Variants in IPO11 observed in about 807,000 individuals in gnomAD.
The protein encoded by IPO11 is importin-11.
Under a neutral mutation model 143.2 loss-of-function variants are expected in IPO11, and 66 were observed. That is an observed-to-expected ratio of 0.46 (90% CI 0.38 to 0.57). The LOEUF (loss-of-function observed/expected upper bound fraction) is 0.57, where lower values mean the gene tolerates loss of function less well. Among genes scored for constraint, IPO11 ranks in the 20% least tolerant of loss-of-function variants. IPO11 has a pLI of 0.00. For synonymous variants in IPO11, 385 were observed against 377.8 expected, an observed-to-expected ratio of 1.02 and a Z score of -0.22; for missense variants, 1,026 against 1,141.0, an observed-to-expected ratio of 0.90 and a Z score of 1.45.
rs534597835 is a variant in IPO11 at position 62,502,263 on chromosome 5, T to C, written c.1591-2404T>C. On this transcript the variant is annotated intron_variant, in intron 16 of 29. Coordinates refer to ENST00000325324, the MANE Select transcript of IPO11 (RefSeq NM_016338.5). The stretch of plus-strand genomic sequence containing the variant: ...TTCTGAGGTTTCAGCTGGGGTAGGG[T>C]AGACAGACTCACAGTAGAAATGTGT... Among the ~76,000 whole-genome samples the C allele has an allele frequency of 2.0e-4, 31 of 152,316 alleles. 1 individual carries two copies. The highest frequency in any genetic ancestry group is 3.4e-3 in the Middle Eastern group (1 of 294).
chr5:62,420,818 G>C (rs1743489713), intron 1 of IPO11, among the ~76,000 whole-genome samples: 1 of 152,106 alleles, frequency 6.6e-6, no homozygotes, highest in Non-Finnish European at 1.5e-5. Flanking sequence ...TGCACTCTAA[G>C]TGATCCACCC....
Position 62,609,983 on chromosome 5 carries a change from T to C in IPO11, c.2763+8135T>C, listed in dbSNP as rs116187753. Among the ~76,000 whole-genome samples, 1,082 of 152,322 alleles carry C rather than the reference T, an allele frequency of 7.1e-3. 14 individuals are homozygous for C. Among genetic ancestry groups the C allele is most frequent in the African/African-American group, 0.024 (1,017 of 41,574 alleles). ...ATGTGGCTGTTGGCGATACTGTAAT[T>C]GTAGCAGTCCCATTTAGGGAAGCAC... On this transcript the variant is annotated intron_variant, in intron 29 of 29. Transcript: ENST00000325324.
At chr5:62,505,073 CTT>C (rs1741508595) in intron 18 of IPO11, among the ~76,000 whole-genome samples, 175 bp downstream of exon 18, 1 of 151,870 alleles carries the variant, frequency 6.6e-6, no homozygotes, top group South Asian at 2.1e-4. Flanking sequence ...GTTTTGGTAA[CTT>C]TTATTGCTAA....
At chr5:62,517,756 A>G (rs2112290396) in intron 20 of IPO11, among the ~76,000 whole-genome samples, 1 of 152,240 alleles carries the variant, frequency 6.6e-6, no homozygotes. Flanking sequence ...ACATGTAACT[A>G]AACACCAACT....
chr5:62,608,507 C>A (rs1210706532), intron 29 of IPO11, among the ~76,000 whole-genome samples: 2 of 152,134 alleles, frequency 1.3e-5, no homozygotes, highest in Non-Finnish European at 2.9e-5. Flanking sequence ...AAACTTTGTC[C>A]TGTATTCTCA....
chr5:62,548,791 C>T (rs1193966978), intron 24 of IPO11, among the ~76,000 whole-genome samples: 2 of 152,152 alleles, frequency 1.3e-5, no homozygotes, highest in African/African-American at 4.8e-5. Flanking sequence ...CCTTGGGATT[C>T]AGCTTTCTCT....
At chr5:62,503,965 C>T (rs1333769847) in intron 16 of IPO11, among the ~76,000 whole-genome samples, 1 of 152,170 alleles carries the variant, frequency 6.6e-6, no homozygotes, top group Admixed American at 6.5e-5. Context: ...AGAATTTAGT[C>T]ATGTCTTGAG....
At chr5:62,616,545 C>A (rs1209613085) in intron 29 of IPO11, among the ~76,000 whole-genome samples, 7 of 151,682 alleles carry the variant, frequency 4.6e-5, no homozygotes, top group Non-Finnish European at 1.5e-5. Flanking sequence ...CATGGTGTGA[C>A]CCCATCTATA....
chr5:62,462,635 A>G (rs1351854412), intron 5 of IPO11, among the ~76,000 whole-genome samples: 3 of 152,176 alleles, frequency 2.0e-5, no homozygotes, highest in Admixed American at 6.5e-5. Flanking sequence ...GGCTCAAGCA[A>G]TCCTCCTGTC....
chr5:62,586,809 T>C (rs1360025873), intron 27 of IPO11, among the ~76,000 whole-genome samples: 1 of 124,284 alleles, frequency 8.0e-6, no homozygotes, highest in Non-Finnish European at 1.7e-5. Flanking sequence ...ATATTCATGA[T>C]TACCTTGTAA....
intron 29 of IPO11, among the ~76,000 whole-genome samples, chr5:62,614,083 A>G (rs1172242521): frequency 2.6e-5 from 4 of 152,234 alleles, no homozygotes; most frequent in African/African-American, 4.8e-5. Flanking sequence ...TGTGAACATC[A>G]TATTAATCAT....
chr5:62,415,028 C>T (rs538411668), intron 1 of IPO11, among the ~76,000 whole-genome samples: 4 of 152,266 alleles, frequency 2.6e-5, no homozygotes, highest in Admixed American at 6.5e-5. Context: ...ATATTAAAAA[C>T]GGACTAAAAT....
At chr5:62,604,136 C>T (rs899595541) in intron 29 of IPO11, among the ~76,000 whole-genome samples, 14 of 152,162 alleles carry the variant, frequency 9.2e-5, no homozygotes, top group Non-Finnish European at 1.8e-4. Flanking sequence ...AATGTATGCT[C>T]ATCTTTAAGC....
chr5:62,466,331 A>T (rs1487481874), intron 5 of IPO11, among the ~76,000 whole-genome samples: 1 of 152,210 alleles, frequency 6.6e-6, no homozygotes, highest in East Asian at 1.9e-4. Flanking sequence ...CATGATTTTA[A>T]CAGGATTGCA....
intron 9 of IPO11, among the ~76,000 whole-genome samples, chr5:62,480,395 T>C (rs928269672): frequency 6.6e-6 from 1 of 152,236 alleles, no homozygotes; most frequent in Admixed American, 6.5e-5. Flanking sequence ...TTTGTTCTTT[T>C]GGCTTAGGAC....
intron 27 of IPO11, among the ~76,000 whole-genome samples, chr5:62,585,387 A>G (rs2112415433): frequency 6.6e-6 from 1 of 152,240 alleles, no homozygotes; most frequent in South Asian, 2.1e-4. Flanking sequence ...TCTTATTATA[A>G]ATGCTACTGA....
At chr5:62,465,997 G>A (rs575028140) in intron 5 of IPO11, among the ~76,000 whole-genome samples, 158 of 152,330 alleles carry the variant, frequency 1.0e-3, no homozygotes, top group African/African-American at 3.6e-3. Flanking sequence ...TGTGTTTTAA[G>A]GGGAGTAGGG....
chr5:62,570,683 T>C (rs1418967697), intron 27 of IPO11, among the ~76,000 whole-genome samples: 1 of 152,198 alleles, frequency 6.6e-6, no homozygotes, highest in East Asian at 1.9e-4. Flanking sequence ...GTTAATTTGA[T>C]ACTACGTTCT....
chr5:62,434,328 G>C (rs1744096755), intron 1 of IPO11, among the ~76,000 whole-genome samples: 1 of 152,044 alleles, frequency 6.6e-6, no homozygotes. Context: ...TTTTGAGACA[G>C]GGTTTCTCTG....
Sources: allele counts gnomAD v4.1 joint callset (sites outside exome capture counted in the v4.1 genomes callset), GRCh38; gene constraint gnomAD v4.1.1; transcripts MANE v1.5; gene names NCBI Gene and HGNC (gene_info 2026-07-23, HGNC 2026-07-21).